Variants in ZNF678 observed in about 807,000 individuals in gnomAD.
ZNF678 encodes the protein hypothetical protein MGC42493.
ZNF678 carries 5 observed loss-of-function variants against 3.0 expected under a neutral mutation model. The ratio of observed to expected loss-of-function variants is 1.69; its 90% CI spans 0.88 to 3.56. The LOEUF (loss-of-function observed/expected upper bound fraction) is 3.56. Ranked by LOEUF, ZNF678 falls within the 30% of genes most tolerant of loss-of-function variation. ZNF678 has a pLI of 0.00. For synonymous variants in ZNF678, 218 were observed against 199.6 expected (o/e 1.09, Z -0.78); for missense variants, 593 against 605.0 (o/e 0.98, Z 0.21).
intron 1 of ZNF678, among the ~76,000 whole-genome samples, chr1:227,566,052 C>T (rs868165783): frequency 1.1e-4 from 17 of 152,224 alleles, no homozygotes; most frequent in Middle Eastern, 3.4e-3. Context: ...TGAGCCACCG[C>T]GCCCGGCTCC....
intron 1 of ZNF678, among the ~76,000 whole-genome samples, chr1:227,630,319 T>G (rs916734769): frequency 6.6e-6 from 1 of 152,160 alleles, no homozygotes; most frequent in Non-Finnish European, 1.5e-5. Flanking sequence ...AGCACCAATC[T>G]CCATGTTCTG....
intron 2 of ZNF678, among the ~76,000 whole-genome samples, chr1:227,648,886 C>G (rs532214761): frequency 6.6e-6 from 1 of 152,082 alleles, no homozygotes; most frequent in Non-Finnish European, 1.5e-5. Context: ...CTTCTAGGTC[C>G]TGCCAACTCC....
In ZNF678 at chr1:227,655,429, T is replaced by C. The variant is rs375334913; in HGVS notation, c.1179T>C (p.Thr393=). The part of the protein sequence containing the change: ...GKAFNKFSSL[T]QHRRIHTGVK... ...CGTTTAACAAGTTCTCAAGCCTTACTCAACATAGGAGAATTCATACTGGAG... is the reference window on the plus strand; with the variant it reads ...CGTTTAACAAGTTCTCAAGCCTTACCCAACATAGGAGAATTCATACTGGAG... Residue 393 remains threonine (T), a synonymous_variant, in exon 4 of 4, where the codon ACT becomes ACC. Transcript: ENST00000343776. 491 of 1,612,330 alleles carry C rather than the reference T, an allele frequency of 3.0e-4. 1 individual carries two copies. The highest frequency in any genetic ancestry group is 4.0e-4 in the Non-Finnish European group (475 of 1,179,226).
At chr1:227,644,086 A>C (rs1192782836) in intron 1 of ZNF678, among the ~76,000 whole-genome samples, 3 of 151,726 alleles carry the variant, frequency 2.0e-5, no homozygotes, top group Non-Finnish European at 4.4e-5. Context: ...GTTGGTCTCG[A>C]ACTCTGGACC....
chr1:227,592,180 C>T (rs1278022597), intron 1 of ZNF678, among the ~76,000 whole-genome samples: 1 of 152,192 alleles, frequency 6.6e-6, no homozygotes, highest in East Asian at 1.9e-4. Flanking sequence ...GTGTTGTAAA[C>T]TTCAGTGGTT....
chr1:227,571,099 AT>A (rs1223596425), intron 1 of ZNF678, among the ~76,000 whole-genome samples: 6 of 152,194 alleles, frequency 3.9e-5, no homozygotes, highest in African/African-American at 1.4e-4. Context: ...CAGGTTATTT[AT>A]TTTGTAAAAT....
intron 1 of ZNF678, among the ~76,000 whole-genome samples, chr1:227,601,639 A>G (rs1425084837): frequency 2.6e-5 from 4 of 152,072 alleles, no homozygotes; most frequent in African/African-American, 7.2e-5. Context: ...ATCTTGGCTC[A>G]TTGCAACCTC....
intron 2 of ZNF678, among the ~76,000 whole-genome samples, chr1:227,646,901 C>A (rs571154449): frequency 6.6e-6 from 1 of 152,168 alleles, no homozygotes; most frequent in East Asian, 1.9e-4. Flanking sequence ...CTGGTAATTC[C>A]AGAACTTTAG....
At chr1:227,629,099 G>C (rs1658488377) in intron 1 of ZNF678, among the ~76,000 whole-genome samples, 1 of 152,186 alleles carries the variant, frequency 6.6e-6, no homozygotes, top group Non-Finnish European at 1.5e-5. Context: ...CTGTACATTG[G>C]AGTATTGCAG....
At chr1:227,573,546 C>T (rs1440519614) in intron 1 of ZNF678, among the ~76,000 whole-genome samples, 1 of 152,162 alleles carries the variant, frequency 6.6e-6, no homozygotes, top group African/African-American at 2.4e-5. Context: ...TTACATTATA[C>T]CTAACATATA....
intron 2 of ZNF678, among the ~76,000 whole-genome samples, chr1:227,647,154 G>A (rs1658980065): frequency 6.6e-6 from 1 of 152,176 alleles, no homozygotes; most frequent in African/African-American, 2.4e-5. Context: ...CTACTTGGGA[G>A]GCTGAGGCAG....
At chr1:227,627,747 A>G (rs759386269) in intron 1 of ZNF678, among the ~76,000 whole-genome samples, 6 of 152,106 alleles carry the variant, frequency 3.9e-5, no homozygotes, top group Admixed American at 2.6e-4. Flanking sequence ...GCTGAGTGCT[A>G]GTTTCTGGAG....
chr1:227,637,165 G>C (rs188508224), intron 1 of ZNF678, among the ~76,000 whole-genome samples: 6 of 152,294 alleles, frequency 3.9e-5, no homozygotes, highest in African/African-American at 1.4e-4. Flanking sequence ...GTTTGGAAGA[G>C]GTATAAGTAA....
chr1:227,679,113 CT>C (rs1179891687), downstream of ZNF678, among the ~76,000 whole-genome samples: 1 of 151,518 alleles, frequency 6.6e-6, no homozygotes, highest in Non-Finnish European at 1.5e-5. Flanking sequence ...TAAATGACTT[CT>C]AGAACAATTC....
chr1:227,623,328 A>G (rs1658327227), intron 1 of ZNF678, among the ~76,000 whole-genome samples: 1 of 152,248 alleles, frequency 6.6e-6, no homozygotes, highest in Non-Finnish European at 1.5e-5. Flanking sequence ...GCCATTCACT[A>G]TTAAGGTGAC....
At chr1:227,679,295 C>T (rs1414493254), downstream of ZNF678, among the ~76,000 whole-genome samples, 1 of 152,078 alleles carries the variant, frequency 6.6e-6, no homozygotes, top group Admixed American at 6.6e-5. Flanking sequence ...CCAATTTCTG[C>T]CCCCAAAGAA....
At chr1:227,666,270 A>G (rs746038223), downstream of ZNF678, among the ~76,000 whole-genome samples, 2 of 152,216 alleles carry the variant, frequency 1.3e-5, no homozygotes, top group Non-Finnish European at 2.9e-5. Context: ...AGGGTAAACA[A>G]AAAAGGGAGC....
Position 227,651,021 on chromosome 1 carries a change from C to T in ZNF678, c.30C>T (p.Val10=). MGTISLCIG[V]CAFEGANTST... ...GCACAATATCACTTTGCATTGGTGT[C>T]TGTGCATTTGAAGGAGCAAACACCT... Residue 10 remains valine, a synonymous_variant, in exon 3 of 4, where the codon GTC becomes GTT. Coordinates refer to ENST00000343776, the MANE Select transcript of ZNF678 (RefSeq NM_001367909.1). 6.2e-7 allele frequency: 1 copy of T among 1,613,394 alleles called. No homozygotes were observed. Among genetic ancestry groups the T allele is most frequent in the Non-Finnish European group, 8.5e-7 (1 of 1,179,762 alleles).
At chr1:227,631,679 T>C (rs181507929) in intron 1 of ZNF678, among the ~76,000 whole-genome samples, 1 of 152,360 alleles carries the variant, frequency 6.6e-6, no homozygotes, top group Admixed American at 6.5e-5. Context: ...AGATGGATCC[T>C]ACTTATCCTA....
Sources: allele counts gnomAD v4.1 joint callset (sites outside exome capture counted in the v4.1 genomes callset), GRCh38; gene constraint gnomAD v4.1.1; transcripts MANE v1.5; gene names NCBI Gene and HGNC (gene_info 2026-07-23, HGNC 2026-07-21).